KCNMA1: variants seen among roughly 807,000 people sequenced by gnomAD.
KCNMA1 encodes potassium calcium-activated channel subfamily M alpha 1, also known as Calcium-activated potassium channel subunit alpha-1.
A neutral mutation model predicts 140.0 loss-of-function variants in KCNMA1; 29 were observed. The ratio of observed to expected loss-of-function variants is 0.21; its 90% CI spans 0.15 to 0.28. The LOEUF (loss-of-function observed/expected upper bound fraction) is 0.28, where lower values mean the gene tolerates loss of function less well. Among genes scored for constraint, KCNMA1 ranks in the 10% least tolerant of loss-of-function variants. KCNMA1 has a pLI of 1.00. For synonymous variants in KCNMA1, 612 were observed against 611.9 expected, an observed-to-expected ratio of 1.00 and a Z score of 0.00; for missense variants, 880 against 1,602.2, an observed-to-expected ratio of 0.55 and a Z score of 7.70.
chr10:76,896,087 C>T (rs777364284), intron 25 of KCNMA1, among the ~76,000 whole-genome samples: 17 of 152,158 alleles, frequency 1.1e-4, no homozygotes, highest in Admixed American at 5.9e-4. Context: ...TAGAATTTGC[C>T]GGGCTGGAAT....
chr10:77,527,511 G>A (rs1233049174), intron 1 of KCNMA1, among the ~76,000 whole-genome samples: 1 of 152,150 alleles, frequency 6.6e-6, no homozygotes, highest in Admixed American at 6.6e-5. Context: ...TCACTTCTGT[G>A]GCAGGCCTGA....
intron 3 of KCNMA1, among the ~76,000 whole-genome samples, chr10:77,220,866 G>T (rs1257646171): frequency 1.3e-5 from 2 of 152,152 alleles, no homozygotes; most frequent in Non-Finnish European, 2.9e-5. Flanking sequence ...GTCTCTAGCG[G>T]TCACTGACCT....
intron 1 of KCNMA1, among the ~76,000 whole-genome samples, chr10:77,598,499 A>T (rs1286546503): frequency 6.6e-6 from 1 of 152,248 alleles, no homozygotes; most frequent in Non-Finnish European, 1.5e-5. Context: ...GCAGGAGAGG[A>T]GTGCATGGCA....
At chr10:77,181,370 G>A (rs995458267) in intron 5 of KCNMA1, among the ~76,000 whole-genome samples, 10 of 152,152 alleles carry the variant, frequency 6.6e-5, no homozygotes, top group Non-Finnish European at 1.5e-4. Flanking sequence ...GCAACAAGAT[G>A]TTTTAAAAGG....
At position 76,893,191 on chromosome 10, in the gene KCNMA1, T is replaced by C. The variant is rs564179596; in HGVS notation, c.3148-1472A>G. ...CCTCCGTTTCATGATCTGTAAAATG[T>C]AATAATAGAAGGCTGTGGGGCTCTA... On this transcript the variant is annotated intron_variant, in intron 25 of 27. Transcript: ENST00000286628. Among the ~76,000 whole-genome samples, 3 of 152,212 alleles carry C rather than the reference T, an allele frequency of 2.0e-5. No homozygotes were observed. In the South Asian group the frequency reaches 6.2e-4, roughly 32 times the overall value.
chr10:76,918,891 TA>T (rs1564902552), intron 23 of KCNMA1, among the ~76,000 whole-genome samples: 1 of 149,574 alleles, frequency 6.7e-6, no homozygotes, highest in Non-Finnish European at 1.5e-5. Context: ...TATATATATA[TA>T]TACACACACA....
chr10:77,227,083 TG>T (rs1349584073), intron 3 of KCNMA1, among the ~76,000 whole-genome samples: 6 of 152,174 alleles, frequency 3.9e-5, no homozygotes, highest in Admixed American at 3.9e-4. Context: ...ATGGAGCTTG[TG>T]GCATAGTAGA....
intron 2 of KCNMA1, among the ~76,000 whole-genome samples, chr10:77,398,060 A>G (rs11002156): frequency 1.3e-3 from 194 of 148,486 alleles, no homozygotes; most frequent in African/African-American, 4.4e-3. Flanking sequence ...ATATGTGTGT[A>G]TGTGTGTGTG....
chr10:77,537,097 C>T (rs1461352319), intron 1 of KCNMA1, among the ~76,000 whole-genome samples: 2 of 152,202 alleles, frequency 1.3e-5, no homozygotes, highest in East Asian at 3.8e-4. Flanking sequence ...CACGGGACAT[C>T]ACCAGTTCCA....
intron 14 of KCNMA1, among the ~76,000 whole-genome samples, chr10:77,055,423 G>GA (rs1238570835): frequency 6.6e-6 from 1 of 152,028 alleles, no homozygotes; most frequent in Non-Finnish European, 1.5e-5. Flanking sequence ...GTAACTCTTA[G>GA]AAAAAATGGA....
intron 2 of KCNMA1, among the ~76,000 whole-genome samples, chr10:77,389,105 C>T (rs971071586): frequency 4.6e-5 from 7 of 152,152 alleles, no homozygotes; most frequent in African/African-American, 1.7e-4. Context: ...GGGTCTGTTG[C>T]CCCTGTTTTT....
At chr10:77,517,041 A>C (rs2050782136) in intron 1 of KCNMA1, among the ~76,000 whole-genome samples, 1 of 151,322 alleles carries the variant, frequency 6.6e-6, no homozygotes, top group Non-Finnish European at 1.5e-5. Context: ...GCCTGCATAC[A>C]TGTGCATGCA....
intron 3 of KCNMA1, among the ~76,000 whole-genome samples, chr10:77,196,994 G>GTTTTA: frequency 6.6e-6 from 1 of 151,880 alleles, no homozygotes; most frequent in Middle Eastern, 3.2e-3. Context: ...GGAAAAGAAA[G>GTTTTA]CAGTTTTAAA....
chr10:77,030,836 C>A (rs1386788208), intron 15 of KCNMA1, among the ~76,000 whole-genome samples: 1 of 152,166 alleles, frequency 6.6e-6, no homozygotes, highest in African/African-American at 2.4e-5. Flanking sequence ...AATCCATACC[C>A]AAGCTGATTC....
chr10:77,239,048 G>A (rs2056487978), intron 3 of KCNMA1, among the ~76,000 whole-genome samples: 2 of 152,260 alleles, frequency 1.3e-5, no homozygotes, highest in Middle Eastern at 3.4e-3. Context: ...CTACTCCTCA[G>A]CCTCACCTCG....
rs184762982 is a variant in KCNMA1 at position 77,482,484 on chromosome 10, A to G, written c.379-78461T>C. Among the ~76,000 whole-genome samples, 343 of 152,286 alleles carry G rather than the reference A, an allele frequency of 2.3e-3. 4 individuals are homozygous for G. The highest frequency in any genetic ancestry group is 7.9e-3 in the African/African-American group (330 of 41,556). On this transcript the variant is annotated intron_variant, in intron 1 of 27. Coordinates refer to ENST00000286628, the MANE Select transcript of KCNMA1 (RefSeq NM_001161352.2). ...AGGCAGCCTCCTCCTTCTGTCTCTGACCACGCAGCAGAAACAAAGCTTTTG... is the reference window on the plus strand; with the variant it reads ...AGGCAGCCTCCTCCTTCTGTCTCTGGCCACGCAGCAGAAACAAAGCTTTTG...
intron 1 of KCNMA1, among the ~76,000 whole-genome samples, chr10:77,456,252 C>T (rs542978387): frequency 3.7e-4 from 56 of 152,300 alleles, no homozygotes; most frequent in African/African-American, 1.3e-3. Flanking sequence ...AGGGACTTTG[C>T]ACTGGCTTTT....
intron 21 of KCNMA1, among the ~76,000 whole-genome samples, chr10:76,951,063 C>T (rs1463585683): frequency 6.6e-6 from 1 of 152,174 alleles, no homozygotes; most frequent in Non-Finnish European, 1.5e-5. Context: ...GCCAGGTCAC[C>T]TGGGAGGCTA....
chr10:77,352,650 T>TGTG lies in KCNMA1; in HGVS notation c.540+51211_540+51212insCAC, dbSNP rs1566177733. ...TGTGTGTGTGTGTGTGTGTGTGTGTTTGTGTGTGTGTGTTAACAAAACAAA... is the reference window on the plus strand; with the variant it reads ...TGTGTGTGTGTGTGTGTGTGTGTGTTGTGTGTGTGTGTGTGTTAACAAAACAAA... On this transcript the variant is annotated intron_variant, in intron 2 of 27. Coordinates refer to ENST00000286628, the MANE Select transcript of KCNMA1 (RefSeq NM_001161352.2). Among the ~76,000 whole-genome samples, 438 of 137,060 alleles carry TGTG rather than the reference T, an allele frequency of 3.2e-3. 3 individuals are homozygous for TGTG. Among genetic ancestry groups the TGTG allele is most frequent in the Non-Finnish European group, 4.7e-3 (285 of 60,072 alleles). 89.9% of individuals were successfully genotyped at this position (137,060 alleles called of 152,430 possible).
Sources: allele counts gnomAD v4.1 joint callset (sites outside exome capture counted in the v4.1 genomes callset), GRCh38; gene constraint gnomAD v4.1.1; transcripts MANE v1.5; gene names NCBI Gene and HGNC (gene_info 2026-07-23, HGNC 2026-07-21).